The following RAD54L variants were observed in gnomAD, a reference collection of about 807,000 sequenced individuals.
The protein encoded by RAD54L is RAD54 like.
RAD54L carries 74 observed loss-of-function variants against 91.6 expected under a neutral mutation model. That is an observed-to-expected ratio of 0.81 (90% confidence interval 0.67 to 0.98). RAD54L has a LOEUF of 0.98. Among genes scored for constraint, RAD54L ranks in the 50% least tolerant of loss-of-function variants. The pLI is 0.00. For synonymous variants in RAD54L, 304 were observed against 349.7 expected (o/e 0.87, Z 1.46); for missense variants, 887 against 945.7 (o/e 0.94, Z 0.81).
At chr1:46,251,949 C>A (rs1659809198) in intron 3 of RAD54L, among the ~76,000 whole-genome samples, 1 of 152,108 alleles carries the variant, frequency 6.6e-6, no homozygotes, top group Admixed American at 6.6e-5. Flanking sequence ...GTGTAATCCT[C>A]TGGGACTGTT....
At position 46,256,832 on chromosome 1, in the gene RAD54L, T is replaced by TTACTTTAA. The variant is rs1192759668; in HGVS notation, c.211-1848_211-1847insAATACTTT. Among the ~76,000 whole-genome samples the TTACTTTAA allele has an allele frequency of 2.0e-5, 3 of 151,582 alleles. No homozygotes were observed. The East Asian group carries it at 5.9e-4, about 30-fold the overall frequency. On this transcript the variant is annotated intron_variant, in intron 3 of 17. Coordinates refer to ENST00000371975, the MANE Select transcript of RAD54L (RefSeq NM_003579.4). ...CTTCTAATATCACAAAAAAAATTCA[T>TTACTTTAA]TACTTTTTTTAAATTTAAAGTACAT...
chr1:46,248,428 A>G lies in RAD54L; in HGVS notation c.3+20A>G. Reference sequence around the variant, plus strand: ...AGGATGGTAAGTGTGGGCCTAGGGGAGACTGGGAATAGCCCTGGGTCAGGG... The same window carrying G: ...AGGATGGTAAGTGTGGGCCTAGGGGGGACTGGGAATAGCCCTGGGTCAGGG... On this transcript the variant is annotated intron_variant, in intron 1 of 17. Transcript: ENST00000371975. The G allele has an allele frequency of 6.2e-7, 1 of 1,613,876 alleles. No homozygotes were observed. Among genetic ancestry groups the G allele is most frequent in the Non-Finnish European group, 8.5e-7 (1 of 1,179,970 alleles).
chr1:46,269,615 C>A (rs1660364314), intron 9 of RAD54L, among the ~76,000 whole-genome samples: 1 of 152,124 alleles, frequency 6.6e-6, no homozygotes, highest in African/African-American at 2.4e-5. Context: ...CCTTTGCATT[C>A]CCATGTAAAT....
At chr1:46,250,163 C>T (rs377712240) in intron 3 of RAD54L, 44 bp downstream of exon 3, 8 of 1,612,514 alleles carry the variant, frequency 5.0e-6, no homozygotes, top group African/African-American at 1.3e-5. Flanking sequence ...TGTGCCCAGT[C>T]ACTCAGCCTA....
In RAD54L at chr1:46,249,144, G is replaced by A. The variant is rs28363193; in HGVS notation, c.90+546G>A. 2.3e-3 allele frequency among the ~76,000 whole-genome samples: 344 copies of A among 152,316 alleles called. 2 individuals carry two copies. The highest frequency in any genetic ancestry group is 8.1e-3 in the African/African-American group (335 of 41,562). ...TATGTAAACCAAAATAAATAGGACA[G>A]TGCAGCATGGACTTCAGAGAATAAG... On this transcript the variant is annotated intron_variant, in intron 2 of 17. Transcript: ENST00000371975.
Position 46,278,289 on chromosome 1 carries a change from G to A in RAD54L, c.*7G>A. Reference sequence around the variant, plus strand: ...GCAGCGGGGCCTCCGCTGATAACCAGCTGGTCTGGGTGTAGCTCTTAGAGG... The same window carrying A: ...GCAGCGGGGCCTCCGCTGATAACCAACTGGTCTGGGTGTAGCTCTTAGAGG... On this transcript the variant is annotated 3_prime_UTR_variant, in exon 18 of 18. Transcript: ENST00000371975. The A allele has an allele frequency of 6.2e-7, 1 of 1,608,374 alleles. No individual in the cohort carries two copies. Among genetic ancestry groups the A allele is most frequent in the Non-Finnish European group, 8.5e-7 (1 of 1,177,672 alleles).
At chr1:46,277,073 G>T (rs1481929531) in intron 16 of RAD54L, among the ~76,000 whole-genome samples, 1 of 152,180 alleles carries the variant, frequency 6.6e-6, no homozygotes, top group Non-Finnish European at 1.5e-5. Context: ...GGGATTACAG[G>T]CGTGAGCCAC....
At position 46,273,719 on chromosome 1, in the gene RAD54L, C is replaced by T; in HGVS notation, c.1582C>T (p.Leu528Phe). 9 of 1,612,380 alleles carry T rather than the reference C, an allele frequency of 5.6e-6. No individual in the cohort carries two copies. Among genetic ancestry groups the T allele is most frequent in the Non-Finnish European group, 7.6e-6 (9 of 1,179,256 alleles). The stretch of plus-strand genomic sequence containing the variant: ...GTCGAATTACACCCAGACTTTGGAT[C>T]TCTTTGAGAAGCTGTGCCGTGCCCG... ...LVSNYTQTLD[L>F]FEKLCRARRY... Residue 528 changes from leucine to phenylalanine, a missense_variant, in exon 14 of 18, where the codon CTC becomes TTC. By Grantham distance (22) the Leu-to-Phe change is conservative. Transcript: ENST00000371975.
Position 46,272,683 on chromosome 1 carries a change from T to G in RAD54L, c.1256T>G (p.Leu419Arg). ...GCTGCCTTTTTTAGGCTGACACCCC[T>G]TCAGACTGAGTTATACAAGAGGTTT... Reference protein sequence around the residue: ...EQVVCCRLTPLQTELYKRFLR... With the variant: ...EQVVCCRLTPRQTELYKRFLR... Residue 419 changes from leucine (L) to arginine (R), a missense_variant, in exon 12 of 18, where the codon CTT (leucine) becomes CGT (arginine). Leu to Arg is a moderately radical substitution (Grantham distance 102). Transcript: ENST00000371975. 1 of 1,614,132 alleles carries G rather than the reference T, an allele frequency of 6.2e-7. No individual in the cohort carries two copies. The highest frequency in any genetic ancestry group is 8.5e-7 in the Non-Finnish European group (1 of 1,180,012).
chr1:46,259,176 CTT>C (rs879837565), intron 4 of RAD54L, among the ~76,000 whole-genome samples: 7 of 144,620 alleles, frequency 4.8e-5, no homozygotes, highest in Admixed American at 7.0e-5. Context: ...CTCTCTCTCT[CTT>C]TTTTTTTTTT....
rs568344085 is a variant in RAD54L at position 46,257,053 on chromosome 1, A to G, written c.211-1633A>G. ...CAGCTACTTGGGAGGCTGAGGCAGG[A>G]GAATTGCTTGAACCTGGGAGGTGGA... On this transcript the variant is annotated intron_variant, in intron 3 of 17. Transcript: ENST00000371975. Among the ~76,000 whole-genome samples the G allele has an allele frequency of 2.7e-3, 404 of 148,266 alleles. 1 individual carries two copies. The highest frequency in any genetic ancestry group is 4.8e-3 in the Non-Finnish European group (325 of 67,118).
chr1:46,252,906 A>C (rs529438038), intron 3 of RAD54L, among the ~76,000 whole-genome samples: 1 of 152,088 alleles, frequency 6.6e-6, no homozygotes, highest in South Asian at 2.1e-4. Context: ...CCCTATTTCT[A>C]AAAAACAATA....
intron 9 of RAD54L, among the ~76,000 whole-genome samples, chr1:46,269,453 A>G (rs1353981170): frequency 1.3e-5 from 2 of 151,788 alleles, no homozygotes; most frequent in Non-Finnish European, 2.9e-5. Flanking sequence ...GACAACAGGC[A>G]CACACCATCA....
chr1:46,267,791 G>A (rs947809809), intron 9 of RAD54L, 182 bp downstream of exon 9: 9 of 806,766 alleles, frequency 1.1e-5, no homozygotes, highest in African/African-American at 1.0e-4. Context: ...GATCTGCTGA[G>A]CAACTCAGCA....
intron 8 of RAD54L, among the ~76,000 whole-genome samples, chr1:46,261,955 C>T (rs1660140377): frequency 6.6e-6 from 1 of 151,840 alleles, no homozygotes; most frequent in Admixed American, 6.6e-5. Context: ...TATGGTGAAA[C>T]CCCACCTCTA....
intron 9 of RAD54L, 87 bp downstream of exon 9, chr1:46,267,696 G>T: frequency 6.7e-7 from 1 of 1,494,118 alleles, no homozygotes. Flanking sequence ...AGAAAGAAGA[G>T]AATGCTAGTT....
chr1:46,253,409 C>T (rs1412426971), intron 3 of RAD54L, among the ~76,000 whole-genome samples: 3 of 152,214 alleles, frequency 2.0e-5, no homozygotes, highest in South Asian at 4.1e-4. Context: ...GTCAGGAGAT[C>T]GGAGATTGAG....
intron 16 of RAD54L, chr1:46,277,405 G>T: frequency 3.5e-6 from 1 of 288,414 alleles, no homozygotes; most frequent in Non-Finnish European, 6.7e-6. Context: ...AGGAGCTAAA[G>T]GATAGGGGAT....
chr1:46,268,061 T>A (rs1446072900), intron 9 of RAD54L, among the ~76,000 whole-genome samples: 67 of 151,762 alleles, frequency 4.4e-4, no homozygotes, highest in Admixed American at 4.3e-3. Context: ...ATCTTCAGAT[T>A]TTTTTTTTCT....
Sources: gnomAD v4.1 joint callset for allele counts (sites outside exome capture counted in the v4.1 genomes callset) on GRCh38, gnomAD v4.1.1 for gene constraint, MANE v1.5 for transcripts, NCBI Gene and HGNC (gene_info 2026-07-23, HGNC 2026-07-21) for gene names.